Variants in VAMP7 observed in about 807,000 individuals in gnomAD.
VAMP7 encodes vesicle-associated membrane protein 7.
A neutral mutation model predicts 29.6 loss-of-function variants in VAMP7; 14 were observed. The observed-to-expected ratio is 0.47, with a 90% CI of 0.31 to 0.74. VAMP7 has a LOEUF of 0.74. Ranked by LOEUF, VAMP7 falls within the 30% of genes least tolerant of loss-of-function variation. VAMP7 has a pLI of 0.05. For missense variants in VAMP7, 223 were observed against 262.4 expected (o/e 0.85, Z 1.04); for synonymous variants, 95 against 88.1 (o/e 1.08, Z -0.44).
chrX:155,882,861 G>T (rs2065819776), intron 1 of VAMP7, among the ~76,000 whole-genome samples: 1 of 152,162 alleles, frequency 6.6e-6, no homozygotes, highest in Non-Finnish European at 1.5e-5. Context: ...GGGTAAAATA[G>T]ACACTTTGAC....
chrX:155,917,999 C>T (rs996139684), intron 5 of VAMP7, among the ~76,000 whole-genome samples: 17 of 152,240 alleles, frequency 1.1e-4, no homozygotes, highest in Non-Finnish European at 5.9e-5. Context: ...TTCAGAGATG[C>T]GCTGCCCAGA....
At chrX:155,896,402 C>G (rs1191350539) in intron 3 of VAMP7, among the ~76,000 whole-genome samples, 1 of 152,104 alleles carries the variant, frequency 6.6e-6, no homozygotes, top group African/African-American at 2.4e-5. Context: ...TGTATGTGAA[C>G]TTTGGAAAAA....
chrX:155,890,424 G>A (rs1403977044), intron 2 of VAMP7, among the ~76,000 whole-genome samples: 2 of 152,036 alleles, frequency 1.3e-5, no homozygotes, highest in African/African-American at 4.8e-5. Flanking sequence ...GCAGTGGTGC[G>A]ATCTTGGCTC....
intron 5 of VAMP7, among the ~76,000 whole-genome samples, chrX:155,904,706 G>A (rs141174636): frequency 2.6e-5 from 4 of 151,830 alleles, no homozygotes; most frequent in Non-Finnish European, 5.9e-5. Flanking sequence ...TTGTGTCTTC[G>A]TTCACTTAGC....
chrX:155,935,464 G>T (rs889131870), intron 6 of VAMP7, among the ~76,000 whole-genome samples: 3 of 151,808 alleles, frequency 2.0e-5, no homozygotes, highest in African/African-American at 7.3e-5. Flanking sequence ...CTTCAATCAC[G>T]GATACCCTTT....
chrX:155,915,657 C>G (rs2066301224), intron 5 of VAMP7, among the ~76,000 whole-genome samples: 3 of 152,098 alleles, frequency 2.0e-5, no homozygotes, highest in Admixed American at 1.3e-4. Context: ...GTTCATTTTC[C>G]ATGTAGTTGT....
chrX:155,907,150 C>T (rs1369086090), intron 5 of VAMP7, among the ~76,000 whole-genome samples: 2 of 152,074 alleles, frequency 1.3e-5, no homozygotes, highest in Non-Finnish European at 2.9e-5. Flanking sequence ...AATCCCACTG[C>T]ATCATGGTGT....
chrX:155,908,020 T>C (rs764107783), intron 5 of VAMP7, among the ~76,000 whole-genome samples: 415 of 149,482 alleles, frequency 2.8e-3, no homozygotes, highest in African/African-American at 0.01. Flanking sequence ...GCAGAGACGC[T>C]CCTCACTTCC....
intron 1 of VAMP7, among the ~76,000 whole-genome samples, chrX:155,882,331 A>G (rs895542631): frequency 6.6e-6 from 1 of 152,204 alleles, no homozygotes; most frequent in Admixed American, 6.5e-5. Context: ...TCTAGAGGGG[A>G]AAACAGGAAT....
chrX:155,924,618 A>T (rs1404685735), intron 6 of VAMP7, among the ~76,000 whole-genome samples: 1 of 152,090 alleles, frequency 6.6e-6, no homozygotes, highest in Non-Finnish European at 1.5e-5. Context: ...GCTAACAATC[A>T]CCTGAGCCTT....
At chrX:155,935,872 G>C (rs952286786) in intron 6 of VAMP7, among the ~76,000 whole-genome samples, 1 of 152,042 alleles carries the variant, frequency 6.6e-6, no homozygotes, top group Admixed American at 6.5e-5. Context: ...ATACAGATGG[G>C]GTTTTTGTGT....
chrX:155,886,629 A>G (rs971956837), intron 1 of VAMP7, among the ~76,000 whole-genome samples: 1 of 152,116 alleles, frequency 6.6e-6, no homozygotes, highest in African/African-American at 2.4e-5. Flanking sequence ...CAGTCTTCAG[A>G]TGACACAATC....
intron 1 of VAMP7, among the ~76,000 whole-genome samples, chrX:155,882,615 A>G (rs775007917): frequency 2.0e-5 from 3 of 152,306 alleles, no homozygotes; most frequent in East Asian, 3.9e-4. Flanking sequence ...TATTCCTTCT[A>G]AGACCCAGAG....
chrX:155,923,923 C>G (rs962622872), intron 6 of VAMP7, among the ~76,000 whole-genome samples: 1 of 152,058 alleles, frequency 6.6e-6, no homozygotes, highest in African/African-American at 2.4e-5. Flanking sequence ...TATGTTTCAT[C>G]TTTACAGGTT....
chrX:155,889,472 G>A lies in VAMP7; in HGVS notation c.6G>A (p.Ala2=), dbSNP rs768395204. The change falls in exon 2 of 8, where the codon GCG becomes GCA. Residue 2 remains alanine (A), a synonymous_variant. Coordinates refer to ENST00000286448, the MANE Select transcript of VAMP7 (RefSeq NM_005638.6). M[A]ILFAVVARGT... is the part of the protein sequence containing the mutation. Reference sequence around the variant, plus strand: ...CCTTTTGATAGACTGAAGCCATGGCGATTCTTTTTGCTGTTGTTGCCAGGG... The same window carrying A: ...CCTTTTGATAGACTGAAGCCATGGCAATTCTTTTTGCTGTTGTTGCCAGGG... 5 of 1,613,054 alleles carry A rather than the reference G, an allele frequency of 3.1e-6. No individual in the cohort carries two copies. Among genetic ancestry groups the A allele is most frequent in the South Asian group, 2.2e-5 (2 of 90,870 alleles).
At chrX:155,886,924 C>T (rs944402360) in intron 1 of VAMP7, among the ~76,000 whole-genome samples, 1 of 150,604 alleles carries the variant, frequency 6.6e-6, no homozygotes, top group East Asian at 1.9e-4. Context: ...TCTGAACCTG[C>T]ACAGGGACTG....
intron 5 of VAMP7, among the ~76,000 whole-genome samples, chrX:155,903,251 C>T (rs1012801019): frequency 2.0e-5 from 3 of 152,104 alleles, no homozygotes; most frequent in Non-Finnish European, 2.9e-5. Flanking sequence ...CCATAAAAAC[C>T]GTAGAAGAAA....
chrX:155,892,237 T>C (rs1333907410), intron 2 of VAMP7, among the ~76,000 whole-genome samples: 2 of 152,170 alleles, frequency 1.3e-5, no homozygotes, highest in Non-Finnish European at 2.9e-5. Flanking sequence ...CTAGGAATGC[T>C]GTTCTCCCCC....
intron 5 of VAMP7, among the ~76,000 whole-genome samples, chrX:155,910,975 C>T (rs2066229525): frequency 6.6e-6 from 1 of 151,894 alleles, no homozygotes; most frequent in Admixed American, 6.6e-5. Context: ...TTTTCGTTAC[C>T]TGTCCTTTTG....
Sources: gnomAD v4.1 joint callset for allele counts (sites outside exome capture counted in the v4.1 genomes callset) on GRCh38, gnomAD v4.1.1 for gene constraint, MANE v1.5 for transcripts, NCBI Gene and HGNC (gene_info 2026-07-23, HGNC 2026-07-21) for gene names.